Variants in PPP1R13B observed in about 807,000 individuals in gnomAD.
PPP1R13B encodes the protein apoptosis-stimulating of p53 protein 1.
Under a neutral mutation model 119.8 loss-of-function variants are expected in PPP1R13B, and 44 were observed. The ratio of observed to expected loss-of-function variants is 0.37; its 90% confidence interval spans 0.29 to 0.47. The LOEUF is 0.47. PPP1R13B is among the 20% of genes least tolerant of loss of function. PPP1R13B has a pLI of 0.99. For missense variants in PPP1R13B, 1,227 were observed against 1,413.5 expected (o/e 0.87, Z 2.12); for synonymous variants, 542 against 561.5 (o/e 0.97, Z 0.49).
At chr14:103,748,120 C>A (rs1035702375) in intron 8 of PPP1R13B, among the ~76,000 whole-genome samples, 2 of 151,616 alleles carry the variant, frequency 1.3e-5, no homozygotes, top group Admixed American at 1.3e-4. Context: ...CACACGTGCA[C>A]GCGCACGCTA....
At chr14:103,808,742 T>C (rs1321436167) in intron 1 of PPP1R13B, among the ~76,000 whole-genome samples, 1 of 152,236 alleles carries the variant, frequency 6.6e-6, no homozygotes, top group African/African-American at 2.4e-5. Flanking sequence ...TTAGGGCTTG[T>C]ATTATTTTGG....
intron 3 of PPP1R13B, among the ~76,000 whole-genome samples, chr14:103,784,185 CA>C (rs1399735576): frequency 6.6e-6 from 1 of 150,712 alleles, no homozygotes; most frequent in Non-Finnish European, 1.5e-5. Context: ...CAAAACAAAA[CA>C]AAACAAAAAT....
chr14:103,757,822 A>C, intron 4 of PPP1R13B, 71 bp from the exon 5 acceptor site: 187 of 1,317,322 alleles, frequency 1.4e-4, no homozygotes, highest in Non-Finnish European at 1.9e-4. Context: ...GTCAAAACTC[A>C]CACATATCAG....
At position 103,735,181 on chromosome 14, in the gene PPP1R13B, G is replaced by A; in HGVS notation, c.3246C>T (p.Ile1082=). 1.2e-6 allele frequency: 2 copies of A among 1,614,150 alleles called. No homozygotes were observed. The highest frequency in any genetic ancestry group is 1.7e-6 in the Non-Finnish European group (2 of 1,180,022). ...AGGCGAGTGTTCGCTGTCGGGGTTT[G>A]ATCCGTGGATACAGCTGGGAAGCAA... is the stretch of plus-strand genomic sequence containing the variant. ...PKNLLGLYPR[I]KPRQRTLA is the part of the protein sequence containing the mutation. Residue 1082 remains isoleucine, a synonymous_variant, in exon 17 of 17, where the codon ATC becomes ATT. Coordinates refer to ENST00000202556, the MANE Select transcript of PPP1R13B (RefSeq NM_015316.3).
chr14:103,770,322 T>C (rs538899834), intron 4 of PPP1R13B, among the ~76,000 whole-genome samples: 1 of 152,318 alleles, frequency 6.6e-6, no homozygotes, highest in African/African-American at 2.4e-5. Context: ...GAGACCAGCC[T>C]GGCCAACATG....
chr14:103,738,523 GAA>G lies in PPP1R13B; in HGVS notation c.2864+154_2864+155del. The G allele has an allele frequency of 8.2e-7, 1 of 1,224,304 alleles. No homozygotes were observed. The highest frequency in any genetic ancestry group is 2.1e-4 in the Middle Eastern group (1 of 4,834). 75.8% of individuals were successfully genotyped at this position (1,224,304 alleles called of 1,614,324 possible). On this transcript the variant is annotated intron_variant, in intron 14 of 16. Coordinates refer to ENST00000202556, the MANE Select transcript of PPP1R13B (RefSeq NM_015316.3). The surrounding 1 kb of genome is among the most constrained non-coding windows in gnomAD (Gnocchi z 5.6). ...AGAAAAGGCTGGAAAAAAAGGCAAG[GAA>G]ACCCTGGCAACAGCTGTCTTTCAAG...
intron 1 of PPP1R13B, among the ~76,000 whole-genome samples, chr14:103,826,118 C>T (rs569496575): frequency 6.6e-6 from 1 of 152,240 alleles, no homozygotes; most frequent in South Asian, 2.1e-4. Context: ...CTCAGGTGAT[C>T]CACCTGCCTT....
rs367583040 is a variant in PPP1R13B at position 103,781,691 on chromosome 14, G to A, written c.278-2870C>T. Among the ~76,000 whole-genome samples, 556 of 151,324 alleles carry A rather than the reference G, an allele frequency of 3.7e-3. 5 individuals carry two copies. Among genetic ancestry groups the A allele is most frequent in the African/African-American group, 0.013 (536 of 41,278 alleles). Reference sequence around the variant, plus strand: ...TTTTGAAACACAGTCTCGCTCTGTCGCCCAGGCTGGAGTGTAGTGGCGCGA... The same window carrying A: ...TTTTGAAACACAGTCTCGCTCTGTCACCCAGGCTGGAGTGTAGTGGCGCGA... On this transcript the variant is annotated intron_variant, in intron 3 of 16. Coordinates refer to ENST00000202556, the MANE Select transcript of PPP1R13B (RefSeq NM_015316.3).
chr14:103,833,580 T>C (rs1444301131), intron 1 of PPP1R13B, among the ~76,000 whole-genome samples: 2 of 151,566 alleles, frequency 1.3e-5, no homozygotes, highest in African/African-American at 4.9e-5. Flanking sequence ...GAGGCGGAGG[T>C]TACAGTGAGA....
intron 4 of PPP1R13B, among the ~76,000 whole-genome samples, chr14:103,764,900 G>A (rs969584508): frequency 5.3e-5 from 8 of 152,102 alleles, no homozygotes; most frequent in Non-Finnish European, 1.0e-4. Context: ...CTCACTGCAA[G>A]CTCTGCCTCC....
upstream of PPP1R13B, chr14:103,848,265 T>TGCCCACCTGC (rs1444606237): frequency 4.1e-6 from 4 of 985,280 alleles, no homozygotes; most frequent in Non-Finnish European, 4.8e-6. Flanking sequence ...GTGCCACCTG[T>TGCCCACCTGC]GCCCACCTGC....
rs139847113 is a variant in PPP1R13B, at chr14:103,841,488, G to A, written c.9+5811C>T. ...GCCTGTAATCCCAGCTACTCAGGACGCTGAGGTGGGAGAATCGCTTGAGCC... is the reference window on the plus strand; with the variant it reads ...GCCTGTAATCCCAGCTACTCAGGACACTGAGGTGGGAGAATCGCTTGAGCC... On this transcript the variant is annotated intron_variant, in intron 1 of 16. Transcript: ENST00000202556. Among the ~76,000 whole-genome samples the A allele has an allele frequency of 8.3e-3, 1,265 of 152,126 alleles. 15 individuals are homozygous for A. The highest frequency in any genetic ancestry group is 0.029 in the African/African-American group (1,206 of 41,486).
rs376984485 is a variant in PPP1R13B, at chr14:103,737,875, G to T, written c.2865-15C>A. The stretch of plus-strand genomic sequence containing the variant: ...GCAGCGGCGTCCTGGAATAGAGCGT[G>T]GGTGAAGGTGCAGGCCTGGCACTGC... On this transcript the variant is annotated splice_polypyrimidine_tract_variant and intron_variant, in intron 14 of 16. Transcript: ENST00000202556. 105 of 1,610,108 alleles carry T rather than the reference G, an allele frequency of 6.5e-5. No homozygotes were observed. In the East Asian group the frequency reaches 7.4e-4, roughly 11 times the overall value.
At chr14:103,743,370 G>A (rs1463719034) in intron 9 of PPP1R13B, among the ~76,000 whole-genome samples, 2 of 152,224 alleles carry the variant, frequency 1.3e-5, no homozygotes, top group South Asian at 2.1e-4. Context: ...CGTAGCAGGA[G>A]GAGCAGGCTA....
At chr14:103,829,588 T>G (rs2086623640) in intron 1 of PPP1R13B, among the ~76,000 whole-genome samples, 1 of 152,014 alleles carries the variant, frequency 6.6e-6, no homozygotes, top group Non-Finnish European at 1.5e-5. Flanking sequence ...AATAAATATT[T>G]TGAGGATAAA....
At chr14:103,785,188 CTTAT>C (rs2085429933) in intron 2 of PPP1R13B, among the ~76,000 whole-genome samples, 4 of 152,098 alleles carry the variant, frequency 2.6e-5, no homozygotes, top group Admixed American at 1.3e-4. Context: ...TTTTACAAAA[CTTAT>C]TTATCACAAA....
chr14:103,805,607 G>A (rs1166507625), intron 1 of PPP1R13B, among the ~76,000 whole-genome samples: 2 of 150,712 alleles, frequency 1.3e-5, no homozygotes, highest in South Asian at 4.2e-4. Context: ...AAGGAAGGAA[G>A]GAGAGAGAAA....
At chr14:103,845,254 C>G (rs938600189) in intron 1 of PPP1R13B, among the ~76,000 whole-genome samples, 1 of 151,752 alleles carries the variant, frequency 6.6e-6, no homozygotes, top group South Asian at 2.1e-4. Flanking sequence ...TAAAATATTA[C>G]CAAGTAAGAA....
chr14:103,769,160 A>T (rs1198329933), intron 4 of PPP1R13B, among the ~76,000 whole-genome samples: 1 of 152,116 alleles, frequency 6.6e-6, no homozygotes, highest in African/African-American at 2.4e-5. Flanking sequence ...ATCTTGGCTC[A>T]CCGCAACCTG....
Sources: gnomAD v4.1 joint callset for allele counts (sites outside exome capture counted in the v4.1 genomes callset) on GRCh38, gnomAD v4.1.1 for gene constraint, Gnocchi (gnomAD v3.1) non-coding constraint, MANE v1.5 for transcripts, NCBI Gene and HGNC (gene_info 2026-07-23, HGNC 2026-07-21) for gene names.